CNTNAP2: variants seen among roughly 807,000 people sequenced by gnomAD.
The protein encoded by CNTNAP2 is contactin-associated protein-like 2.
Under a neutral mutation model 155.2 loss-of-function variants are expected in CNTNAP2, and 98 were observed. That is an observed-to-expected ratio of 0.63 (90% confidence interval 0.54 to 0.75). CNTNAP2 has a LOEUF of 0.75. Among genes scored for constraint, CNTNAP2 ranks in the 30% least tolerant of loss-of-function variants. The probability of loss-of-function intolerance (pLI) is 0.00; values close to 1 mark genes in which losing one functional copy is unlikely to be tolerated. For missense variants in CNTNAP2, 1,727 were observed against 1,688.1 expected, an observed-to-expected ratio of 1.02 and a Z score of -0.40; for synonymous variants, 651 against 631.2, an observed-to-expected ratio of 1.03 and a Z score of -0.47.
chr7:147,862,729 A>G (rs1032994859), intron 13 of CNTNAP2, among the ~76,000 whole-genome samples: 1 of 152,106 alleles, frequency 6.6e-6, no homozygotes, highest in Non-Finnish European at 1.5e-5. Context: ...AAAATGATAA[A>G]AGGAAGTGAA....
intron 2 of CNTNAP2, among the ~76,000 whole-genome samples, chr7:146,776,157 T>G (rs1281440943): frequency 6.6e-6 from 1 of 152,094 alleles, no homozygotes; most frequent in Non-Finnish European, 1.5e-5. Flanking sequence ...TTCCCATTAC[T>G]AGGAAATCTA....
At chr7:147,965,247 G>C (rs538265864) in intron 14 of CNTNAP2, among the ~76,000 whole-genome samples, 1 of 152,130 alleles carries the variant, frequency 6.6e-6, no homozygotes, top group Non-Finnish European at 1.5e-5. Context: ...TAATATTCAT[G>C]ACTTTTTACT....
chr7:146,768,574 G>A (rs1369846852), intron 1 of CNTNAP2, among the ~76,000 whole-genome samples: 2 of 151,864 alleles, frequency 1.3e-5, no homozygotes, highest in Admixed American at 6.6e-5. Context: ...GCAGGTATAG[G>A]TAGAGTAGCT....
intron 13 of CNTNAP2, among the ~76,000 whole-genome samples, chr7:147,677,787 T>TG (rs1795891795): frequency 6.6e-6 from 1 of 151,774 alleles, no homozygotes; most frequent in African/African-American, 2.4e-5. Context: ...CCTTTCTCCA[T>TG]GGTGTGTTCA....
chr7:146,283,826 G>A (rs6969468), intron 1 of CNTNAP2, among the ~76,000 whole-genome samples: 3,417 of 152,068 alleles, frequency 0.022, 141 homozygotes, highest in African/African-American at 0.078. Context: ...GGAGAAGATG[G>A]GTTGACTACA....
intron 20 of CNTNAP2, among the ~76,000 whole-genome samples, chr7:148,253,691 T>G (rs1314237501): frequency 1.3e-5 from 2 of 152,178 alleles, no homozygotes; most frequent in Non-Finnish European, 2.9e-5. Context: ...CAAGTTACCC[T>G]GTGACAGTCA....
chr7:148,259,677 C>A (rs1044954838), intron 20 of CNTNAP2, among the ~76,000 whole-genome samples: 1 of 152,198 alleles, frequency 6.6e-6, no homozygotes, highest in Non-Finnish European at 1.5e-5. Flanking sequence ...CCACTGCATC[C>A]CCAAAGCGTA....
chr7:147,306,893 T>A (rs1795039410), intron 9 of CNTNAP2, among the ~76,000 whole-genome samples: 1 of 152,170 alleles, frequency 6.6e-6, no homozygotes, highest in Admixed American at 6.5e-5. Flanking sequence ...ATAGTAATAA[T>A]ACTGGAAATA....
intron 3 of CNTNAP2, chr7:146,915,885 T>C (rs1796383541): frequency 6.6e-6 from 1 of 152,164 alleles, no homozygotes; most frequent in African/African-American, 2.4e-5. Flanking sequence ...GTGGGCATCC[T>C]TGCCTTGTTC....
At chr7:148,288,390 C>T (rs891574768) in intron 21 of CNTNAP2, among the ~76,000 whole-genome samples, 11 of 152,246 alleles carry the variant, frequency 7.2e-5, no homozygotes, top group East Asian at 5.8e-4. Context: ...TGAGCCACCG[C>T]GCCCCGCCTC....
chr7:148,219,807 C>T (rs965404430), intron 19 of CNTNAP2, among the ~76,000 whole-genome samples: 3 of 151,938 alleles, frequency 2.0e-5, no homozygotes, highest in African/African-American at 7.3e-5. Context: ...GCTATGATCA[C>T]GCCACTGTAC....
intron 1 of CNTNAP2, among the ~76,000 whole-genome samples, chr7:146,246,537 C>A (rs1409294636): frequency 1.3e-5 from 2 of 149,834 alleles, no homozygotes; most frequent in Non-Finnish European, 3.0e-5. Context: ...TGGGTAGCCT[C>A]AGTATTGATT....
Position 146,801,894 on chromosome 7 carries a change from T to C in CNTNAP2, c.208+27513T>C, listed in dbSNP as rs116145328. Among the ~76,000 whole-genome samples, 870 of 152,308 alleles carry C rather than the reference T, an allele frequency of 5.7e-3. 6 individuals are homozygous for C. Among genetic ancestry groups the C allele is most frequent in the African/African-American group, 0.017 (691 of 41,564 alleles). ...ATTCTATGGTTCTAGAATAAAATTA[T>C]TAATTTTAATGAATGTGTGGAGCAA... On this transcript the variant is annotated intron_variant, in intron 2 of 23. Transcript: ENST00000361727.
At chr7:147,641,607 A>G (rs1234065212) in intron 13 of CNTNAP2, among the ~76,000 whole-genome samples, 2 of 152,068 alleles carry the variant, frequency 1.3e-5, no homozygotes, top group Admixed American at 6.5e-5. Flanking sequence ...CAATGTGACT[A>G]TATTTGGAGA....
intron 14 of CNTNAP2, among the ~76,000 whole-genome samples, chr7:147,937,648 C>T (rs183542748): frequency 6.6e-6 from 1 of 152,238 alleles, no homozygotes; most frequent in Admixed American, 6.5e-5. Context: ...GCAGACTCCA[C>T]CCCCATGTTT....
chr7:146,240,011 A>G (rs1433162520), intron 1 of CNTNAP2, among the ~76,000 whole-genome samples: 1 of 152,228 alleles, frequency 6.6e-6, no homozygotes, highest in Non-Finnish European at 1.5e-5. Flanking sequence ...GGGGCAATGT[A>G]AAAATTAACA....
At chr7:146,535,877 TC>T (rs1797861411) in intron 1 of CNTNAP2, among the ~76,000 whole-genome samples, 1 of 152,102 alleles carries the variant, frequency 6.6e-6, no homozygotes, top group Admixed American at 6.6e-5. Flanking sequence ...TACTTTATGA[TC>T]ATTCAGTGTA....
At chr7:147,533,292 A>G (rs531673906) in intron 11 of CNTNAP2, among the ~76,000 whole-genome samples, 1 of 152,318 alleles carries the variant, frequency 6.6e-6, no homozygotes, top group African/African-American at 2.4e-5. Flanking sequence ...ACAATCAAAT[A>G]TTACAGAAGG....
chr7:146,743,582 T>G (rs1209150549), intron 1 of CNTNAP2, among the ~76,000 whole-genome samples: 1 of 152,220 alleles, frequency 6.6e-6, no homozygotes, highest in African/African-American at 2.4e-5. Flanking sequence ...GACTTTTTTT[T>G]TTTTAATGTG....
Sources: allele counts gnomAD v4.1 joint callset (sites outside exome capture counted in the v4.1 genomes callset), GRCh38; gene constraint gnomAD v4.1.1; transcripts MANE v1.5; gene names NCBI Gene and HGNC (gene_info 2026-07-23, HGNC 2026-07-21).